Variants in ANKRD33B observed in about 807,000 individuals in gnomAD.
ANKRD33B encodes ankyrin repeat domain 33B, also known as ankyrin repeat domain-containing protein 33B.
A neutral mutation model predicts 21.5 loss-of-function variants in ANKRD33B; 6 were observed. The ratio of observed to expected loss-of-function variants is 0.28; its 90% CI spans 0.15 to 0.55. The LOEUF is 0.55. Among genes scored for constraint, ANKRD33B ranks in the 20% least tolerant of loss-of-function variants. ANKRD33B has a pLI of 0.94. For missense variants in ANKRD33B, 698 were observed against 747.2 expected, an observed-to-expected ratio of 0.93 and a Z score of 0.77; for synonymous variants, 347 against 342.4, an observed-to-expected ratio of 1.01 and a Z score of -0.15.
Position 10,619,344 on chromosome 5 carries a change from G to A in ANKRD33B, c.496+882G>A, listed in dbSNP as rs1294183021. On this transcript the variant is annotated intron_variant, in intron 2 of 3. Transcript: ENST00000296657. This position sits in a 1 kb window ranked among gnomAD's most constrained non-coding sequence, Gnocchi z 4.5. Reference sequence around the variant, plus strand: ...CGGGTTGTTGAGAATCCCACTCAGGGCCTGGAAACTGGAGGAAGTGCCCCC... The same window carrying A: ...CGGGTTGTTGAGAATCCCACTCAGGACCTGGAAACTGGAGGAAGTGCCCCC... 1.5e-5 allele frequency: 15 copies of A among 985,280 alleles called. No homozygotes were observed. Among genetic ancestry groups the A allele is most frequent in the African/African-American group, 1.7e-5 (1 of 57,220 alleles). The allele number at this position is 985,280 out of a possible 1,614,324, so 61.0% of individuals were successfully genotyped here. A position where few individuals can be genotyped will look rare whatever the true frequency, so the allele number is the denominator to read the frequency against.
chr5:10,634,268 C>T (rs1029961625), intron 2 of ANKRD33B, among the ~76,000 whole-genome samples: 3 of 152,136 alleles, frequency 2.0e-5, no homozygotes, highest in East Asian at 1.9e-4. Flanking sequence ...TCCAGTGACG[C>T]GATTTCATTC....
chr5:10,604,341 G>A (rs550013228), intron 1 of ANKRD33B, among the ~76,000 whole-genome samples: 7 of 150,906 alleles, frequency 4.6e-5, no homozygotes, highest in East Asian at 1.9e-4. Flanking sequence ...ACAGATATGC[G>A]CCACCGCACC....
chr5:10,629,761 G>T (rs992430949), intron 2 of ANKRD33B, among the ~76,000 whole-genome samples: 1 of 152,148 alleles, frequency 6.6e-6, no homozygotes, highest in Admixed American at 6.5e-5. Context: ...GAGAGAACAG[G>T]AGCTCAGAAT....
At chr5:10,590,311 T>C (rs1735653747) in intron 1 of ANKRD33B, among the ~76,000 whole-genome samples, 1 of 152,258 alleles carries the variant, frequency 6.6e-6, no homozygotes, top group Non-Finnish European at 1.5e-5. Context: ...TGTTATCTTG[T>C]CCAGGGAGGA....
chr5:10,614,015 G>GTGTGTA (rs1420840245), intron 1 of ANKRD33B, among the ~76,000 whole-genome samples: 1 of 151,468 alleles, frequency 6.6e-6, no homozygotes, highest in East Asian at 1.9e-4. Flanking sequence ...GTGTGTGTGT[G>GTGTGTA]TGTGTGTGTG....
chr5:10,609,678 G>T (rs1295101204), intron 1 of ANKRD33B, among the ~76,000 whole-genome samples: 2 of 152,216 alleles, frequency 1.3e-5, no homozygotes, highest in Non-Finnish European at 2.9e-5. Flanking sequence ...GGAGGCTGAG[G>T]TGGGCAGATC....
rs1341681700 is a variant in ANKRD33B, at chr5:10,650,136, G to C, written c.*23G>C. 2.1e-6 allele frequency: 3 copies of C among 1,452,940 alleles called. No individual in the cohort carries two copies. Among genetic ancestry groups the C allele is most frequent in the Non-Finnish European group, 2.7e-6 (3 of 1,107,338 alleles). The allele number at this position is 1,452,940 out of a possible 1,614,324, so 90.0% of individuals were successfully genotyped here. The stretch of plus-strand genomic sequence containing the variant: ...TGAGGGCCCGTGTGCCTGGCGCTGG[G>C]GCCGGGGCTGGGGCCGGGGCGGGGC... On this transcript the variant is annotated 3_prime_UTR_variant, in exon 4 of 4. Coordinates refer to ENST00000296657, the MANE Select transcript of ANKRD33B (RefSeq NM_001164440.2).
chr5:10,649,913 A>G lies in ANKRD33B; in HGVS notation c.1285A>G (p.Ser429Gly). The stretch of plus-strand genomic sequence containing the variant: ...TGTGGTGGTGCCCCGGGTCCGAGTC[A>G]GCAAGGCGCCCGCGCCCACCTTCCA... ...PGVVVPRVRV[S>G]KAPAPTFQPE... Residue 429 changes from serine (S) to glycine (G), a missense_variant, in exon 4 of 4, where the codon AGC becomes GGC. Physicochemically the swap from Ser to Gly is moderately conservative, Grantham distance 56. This residue lies in a region of ANKRD33B where 543 missense variants were observed against 566.5 expected (regional missense o/e 0.96). Coordinates refer to ENST00000296657, the MANE Select transcript of ANKRD33B (RefSeq NM_001164440.2). 1 of 1,519,778 alleles carries G rather than the reference A, an allele frequency of 6.6e-7. No homozygotes were observed. The highest frequency in any genetic ancestry group is 8.8e-7 in the Non-Finnish European group (1 of 1,139,548). 94.1% of individuals were successfully genotyped at this position (1,519,778 alleles called of 1,614,324 possible). A position where few individuals can be genotyped will look rare whatever the true frequency, so the allele number is the denominator to read the frequency against.
At chr5:10,625,334 A>G (rs535310318) in intron 2 of ANKRD33B, among the ~76,000 whole-genome samples, 177 of 152,356 alleles carry the variant, frequency 1.2e-3, no homozygotes, top group African/African-American at 4.1e-3. Context: ...CTGTCTTCCA[A>G]ATATTCCAGC....
At chr5:10,575,715 G>A (rs542094217) in intron 1 of ANKRD33B, among the ~76,000 whole-genome samples, 1 of 152,300 alleles carries the variant, frequency 6.6e-6, no homozygotes, top group South Asian at 2.1e-4. Context: ...AATAAAGGAA[G>A]GCCAGGGAAT....
intron 2 of ANKRD33B, among the ~76,000 whole-genome samples, chr5:10,635,966 G>C (rs532925510): frequency 3.3e-5 from 5 of 152,338 alleles, no homozygotes; most frequent in Admixed American, 1.3e-4. Context: ...TCATGCTCAC[G>C]TAGTATTCTG....
chr5:10,648,567 C>T (rs1579761492), intron 3 of ANKRD33B, among the ~76,000 whole-genome samples: 1 of 151,958 alleles, frequency 6.6e-6, no homozygotes, highest in South Asian at 2.1e-4. Context: ...CGAGACTAGC[C>T]TGACCAACAT....
At chr5:10,620,398 A>G (rs1736395194) in intron 2 of ANKRD33B, among the ~76,000 whole-genome samples, 1 of 152,152 alleles carries the variant, frequency 6.6e-6, no homozygotes, top group South Asian at 2.1e-4. Context: ...CCTCTAAGTA[A>G]AGAGGTCTCC....
chr5:10,620,976 T>C (rs962699749), intron 2 of ANKRD33B, among the ~76,000 whole-genome samples: 1 of 152,252 alleles, frequency 6.6e-6, no homozygotes, highest in African/African-American at 2.4e-5. Context: ...TATTTTTCTA[T>C]AAAGAAGAGC....
intron 1 of ANKRD33B, among the ~76,000 whole-genome samples, chr5:10,571,904 T>TC (rs1310005293): frequency 6.6e-6 from 1 of 151,468 alleles, no homozygotes; most frequent in Non-Finnish European, 1.5e-5. Flanking sequence ...TTTTTTTTTT[T>TC]TGAGACGGAG....
chr5:10,585,630 G>C (rs1001384845), intron 1 of ANKRD33B, among the ~76,000 whole-genome samples: 4 of 152,246 alleles, frequency 2.6e-5, no homozygotes, highest in African/African-American at 9.6e-5. Flanking sequence ...CCAAAGGCCT[G>C]TGTGGCTAAC....
intron 3 of ANKRD33B, among the ~76,000 whole-genome samples, chr5:10,644,872 G>A (rs563462441): frequency 6.6e-6 from 1 of 152,320 alleles, no homozygotes; most frequent in Admixed American, 6.5e-5. Flanking sequence ...GCCCCAGGAA[G>A]TGGAGTGAGG....
rs1394956161 is a variant in ANKRD33B at position 10,650,652 on chromosome 5, A to G, written c.*539A>G. ...CTCCTCATCGTGGGTGTAGGTGCAC[A>G]CTGGATGTTCTTAGTCATTAGATTA... On this transcript the variant is annotated 3_prime_UTR_variant, in exon 4 of 4. Transcript: ENST00000296657. 2 of 152,320 alleles carry G rather than the reference A, an allele frequency of 1.3e-5. No homozygotes were observed. Among genetic ancestry groups the G allele is most frequent in the Non-Finnish European group, 2.9e-5 (2 of 68,046 alleles). 9.4% of individuals were successfully genotyped at this position (152,320 alleles called of 1,614,324 possible). A position where few individuals can be genotyped will look rare whatever the true frequency, so the allele number is the denominator to read the frequency against.
At chr5:10,585,260 T>C (rs1273634916) in intron 1 of ANKRD33B, among the ~76,000 whole-genome samples, 2 of 152,342 alleles carry the variant, frequency 1.3e-5, no homozygotes, top group Non-Finnish European at 2.9e-5. Context: ...GGTGAGCTCG[T>C]CTCTTACATT....
Sources: allele counts gnomAD v4.1 joint callset (sites outside exome capture counted in the v4.1 genomes callset), GRCh38; gene constraint gnomAD v4.1.1; regional missense constraint gnomAD v4.1.1; non-coding constraint Gnocchi (gnomAD v3.1); transcripts MANE v1.5; gene names NCBI Gene and HGNC (gene_info 2026-07-23, HGNC 2026-07-21).